ZNF486: variants seen among roughly 807,000 people sequenced by gnomAD.
ZNF486 encodes the protein zinc finger protein 486.
A neutral mutation model predicts 12.8 loss-of-function variants in ZNF486; 12 were observed. The observed-to-expected ratio is 0.94, with a 90% CI of 0.60 to 1.52. ZNF486 has a LOEUF of 1.52. ZNF486 is among the 40% of genes most tolerant of loss of function. The pLI, the probability that ZNF486 is intolerant of heterozygous loss-of-function variation, is 0.00. For missense variants in ZNF486, 738 were observed against 545.0 expected (o/e 1.35, Z -3.53); for synonymous variants, 231 against 184.9 (o/e 1.25, Z -2.02).
chr19:20,188,548 G>A (rs1283684255), intron 3 of ZNF486: 1 of 397,982 alleles, frequency 2.5e-6, no homozygotes, highest in African/African-American at 2.1e-5. Context: ...GCCAGGCATG[G>A]TGGTATGCAG....
chr19:20,177,115 G>T (rs2089727752), intron 1 of ZNF486: 2 of 152,208 alleles, frequency 1.3e-5, no homozygotes, highest in South Asian at 4.1e-4. Context: ...GGCAAATGGG[G>T]TTCATATAAA....
chr19:20,194,970 G>T (rs1471838236), intron 3 of ZNF486, among the ~76,000 whole-genome samples: 12 of 151,588 alleles, frequency 7.9e-5, no homozygotes, highest in African/African-American at 2.7e-4. Context: ...ACGATTTTCG[G>T]TTTTTTGGTA....
Position 20,198,099 on chromosome 19 carries a change from G to T in ZNF486, c.1389G>T (p.Thr463=). The change falls in exon 4 of 4, where the codon ACG becomes ACT. Residue 463 remains threonine, a synonymous_variant. Coordinates refer to ENST00000335117, the MANE Select transcript of ZNF486 (RefSeq NM_052852.4). ...KRIHIGQKPR[T] The stretch of plus-strand genomic sequence containing the variant: ...TTCATATTGGACAGAAACCAAGAAC[G>T]TGACAAAGGATTATTTTATTATTAT... 1 of 1,564,550 alleles carries T rather than the reference G, an allele frequency of 6.4e-7. No individual in the cohort carries two copies. The highest frequency in any genetic ancestry group is 8.6e-7 in the Non-Finnish European group (1 of 1,157,134).
rs201703128 is a variant in ZNF486, at chr19:20,197,629, G to A, written c.919G>A (p.Ala307Thr). The A allele has an allele frequency of 3.5e-4, 557 of 1,613,362 alleles. 3 individuals are homozygous for A. The highest frequency in any genetic ancestry group is 3.3e-3 in the Middle Eastern group (20 of 6,048). The part of the protein sequence containing the change: ...KECDKAFNHP[A>T]TLSSHKKIHT... The stretch of plus-strand genomic sequence containing the variant: ...ATGTGACAAAGCTTTTAACCATCCT[G>A]CAACTCTTTCTTCACATAAGAAAAT... Residue 307 changes from alanine to threonine, a missense_variant, in exon 4 of 4, where the codon GCA becomes ACA. Coordinates refer to ENST00000335117, the MANE Select transcript of ZNF486 (RefSeq NM_052852.4).
Position 20,197,216 on chromosome 19 carries a change from C to T in ZNF486, c.506C>T (p.Ser169Leu). Residue 169 changes from serine (S) to leucine (L), a missense_variant, in exon 4 of 4, where the codon TCA (serine) becomes TTA (leucine). By Grantham distance (145) the Ser-to-Leu change is moderately radical. Transcript: ENST00000335117. ...AAAGTCTTTCATCAATTTTCAAATT[C>T]AAAGAGACATAAAAGAAGACATACT... ...YVKVFHQFSN[S>L]KRHKRRHTEK... The T allele has an allele frequency of 6.2e-7, 1 of 1,612,440 alleles. No homozygotes were observed. Among genetic ancestry groups the T allele is most frequent in the Non-Finnish European group, 8.5e-7 (1 of 1,179,626 alleles).
At chr19:20,173,823 C>G (rs1298276841) in intron 1 of ZNF486, among the ~76,000 whole-genome samples, 2 of 150,992 alleles carry the variant, frequency 1.3e-5, no homozygotes, top group Admixed American at 6.6e-5. Context: ...CAGAGCGAGA[C>G]TCCGTCTCAA....
At chr19:20,184,285 C>G in intron 1 of ZNF486, 71 bp from the exon 2 acceptor site, 1 of 1,600,064 alleles carries the variant, frequency 6.2e-7, no homozygotes, top group Non-Finnish European at 8.5e-7. Flanking sequence ...CTTACTCTCT[C>G]ATTTCACCTT....
At chr19:20,194,877 C>CT (rs782299113) in intron 3 of ZNF486, among the ~76,000 whole-genome samples, 46 of 152,092 alleles carry the variant, frequency 3.0e-4, no homozygotes, top group Admixed American at 2.0e-3. Context: ...TTGTGTGTAT[C>CT]TAAGTTTGTT....
chr19:20,179,913 A>G (rs1457892860), intron 1 of ZNF486, among the ~76,000 whole-genome samples: 2 of 152,230 alleles, frequency 1.3e-5, no homozygotes, highest in Admixed American at 6.5e-5. Context: ...TCACAACTAT[A>G]ATTACCTGTA....
intron 1 of ZNF486, 146 bp from the exon 2 acceptor site, chr19:20,184,210 A>T: frequency 8.1e-7 from 1 of 1,237,654 alleles, no homozygotes; most frequent in East Asian, 2.6e-5. Context: ...ATTAGAAAAT[A>T]TTTCTGTATT....
intron 1 of ZNF486, among the ~76,000 whole-genome samples, chr19:20,167,961 A>G (rs1215100711): frequency 6.6e-6 from 1 of 152,070 alleles, no homozygotes; most frequent in Non-Finnish European, 1.5e-5. Context: ...CGTTTATCCT[A>G]TTTGGAAAAA....
intron 3 of ZNF486, among the ~76,000 whole-genome samples, chr19:20,194,596 C>G (rs183032083): frequency 6.6e-6 from 1 of 152,132 alleles, no homozygotes; most frequent in Admixed American, 6.5e-5. Flanking sequence ...GGCATGGTGG[C>G]GCACGCCTGT....
In ZNF486 at chr19:20,185,903, T is replaced by C. The variant is rs147070567; in HGVS notation, c.158-84T>C. The C allele has an allele frequency of 4.0e-6, 3 of 756,916 alleles. No homozygotes were observed. In the African/African-American group the frequency reaches 5.5e-5, roughly 14 times the overall value. 46.9% of individuals were successfully genotyped at this position (756,916 alleles called of 1,614,324 possible). A position where few individuals can be genotyped will look rare whatever the true frequency, so the allele number is the denominator to read the frequency against. On this transcript the variant is annotated intron_variant, in intron 2 of 3. Transcript: ENST00000335117. Reference sequence around the variant, plus strand: ...GGTATTAATTTACTAGAATATTTTATTACATTCTTTCTGCTGAGCACATTA... The same window carrying C: ...GGTATTAATTTACTAGAATATTTTACTACATTCTTTCTGCTGAGCACATTA...
chr19:20,196,317 G>A lies in ZNF486; in HGVS notation c.254-647G>A, dbSNP rs534266907. 1.1e-3 allele frequency among the ~76,000 whole-genome samples: 169 copies of A among 152,170 alleles called. 2 individuals carry two copies. Among genetic ancestry groups the A allele is most frequent in the African/African-American group, 3.9e-3 (161 of 41,514 alleles). ...AGGCATGAGCTATCATGCCTTGTTGGCAATTTACTTTAAAAAAAAATTTTT... is the reference window on the plus strand; with the variant it reads ...AGGCATGAGCTATCATGCCTTGTTGACAATTTACTTTAAAAAAAAATTTTT... On this transcript the variant is annotated intron_variant, in intron 3 of 3. Transcript: ENST00000335117.
chr19:20,195,887 C>T (rs1406494508), intron 3 of ZNF486, among the ~76,000 whole-genome samples: 1 of 152,188 alleles, frequency 6.6e-6, no homozygotes, highest in East Asian at 1.9e-4. Context: ...ATGTATATCA[C>T]CATTTTTTTT....
rs1049817018 is a variant in ZNF486, at chr19:20,197,006, G to A, written c.296G>A (p.Ser99Asn). 5.0e-6 allele frequency: 8 copies of A among 1,599,826 alleles called. No homozygotes were observed. Among genetic ancestry groups the A allele is most frequent in the Non-Finnish European group, 6.8e-6 (8 of 1,175,088 alleles). ...GCCCAAGACCTTTGGCCAGAGCAGA[G>A]CATAAAAGATTCTTACCAAAAAGTG... is the stretch of plus-strand genomic sequence containing the variant. Reference protein sequence around the residue: ...HFAQDLWPEQSIKDSYQKVIL... With the variant: ...HFAQDLWPEQNIKDSYQKVIL... Residue 99 changes from serine (S) to asparagine (N), a missense_variant, in exon 4 of 4, where the codon AGC becomes AAC. Ser to Asn is a conservative substitution (Grantham distance 46). Transcript: ENST00000335117.
intron 3 of ZNF486, among the ~76,000 whole-genome samples, chr19:20,188,082 A>G (rs1251366952): frequency 6.6e-6 from 1 of 152,092 alleles, no homozygotes; most frequent in African/African-American, 2.4e-5. Context: ...GGTGGGCCTT[A>G]TATCTGGATA....
chr19:20,176,588 C>G (rs547173832), intron 1 of ZNF486: 2 of 170,308 alleles, frequency 1.2e-5, no homozygotes, highest in African/African-American at 2.4e-5. Context: ...CTCAGGAGGC[C>G]GAGGCTGGCG....
At position 20,197,305 on chromosome 19, in the gene ZNF486, A is replaced by G; in HGVS notation, c.595A>G (p.Thr199Ala). The change falls in exon 4 of 4, where the codon ACA (threonine) becomes GCA (alanine). Residue 199 changes from threonine (T) to alanine (A), a missense_variant. Thr to Ala is a moderately conservative substitution (Grantham distance 58, BLOSUM62 0). Transcript: ENST00000335117. ...KAFNQSSTHT[T>A]HKKIDTGEKP... ...TTTTAACCAGTCCTCAACCCATACT[A>G]CACATAAAAAAATTGATACTGGAGA... The G allele has an allele frequency of 1.2e-6, 2 of 1,612,240 alleles. No homozygotes were observed. The highest frequency in any genetic ancestry group is 8.5e-7 in the Non-Finnish European group (1 of 1,179,346).
Sources: gnomAD v4.1 joint callset for allele counts (sites outside exome capture counted in the v4.1 genomes callset) on GRCh38, gnomAD v4.1.1 for gene constraint, MANE v1.5 for transcripts, NCBI Gene and HGNC (gene_info 2026-07-23, HGNC 2026-07-21) for gene names.